The following PAPSS2 variants were observed in gnomAD, a reference collection of about 807,000 sequenced individuals.
PAPSS2 encodes the protein 3'-phosphoadenosine 5'-phosphosulfate synthase 2.
Under a neutral mutation model 66.5 loss-of-function variants are expected in PAPSS2, and 61 were observed. The ratio of observed to expected loss-of-function variants is 0.92; its 90% confidence interval spans 0.75 to 1.14. PAPSS2 has a LOEUF of 1.14. Among genes scored for constraint, PAPSS2 ranks in the 50% most tolerant of loss-of-function variants. PAPSS2 has a pLI of 0.00. For synonymous variants in PAPSS2, 289 were observed against 287.5 expected, an observed-to-expected ratio of 1.01 and a Z score of -0.05; for missense variants, 708 against 789.6, an observed-to-expected ratio of 0.90 and a Z score of 1.24.
intron 1 of PAPSS2, among the ~76,000 whole-genome samples, chr10:87,706,106 A>ATGTGTGTGTGTGTG (rs1223497557): frequency 1.2e-5 from 1 of 85,248 alleles, no homozygotes; most frequent in Non-Finnish European, 2.1e-5. Context: ...ATATATATAT[A>ATGTGTGTGTGTGTG]TATGTGTGTG....
Position 87,714,147 on chromosome 10 carries a change from G to A in PAPSS2, c.485G>A (p.Gly162Asp). ...ATTTGTGAAAGCAGAGACGTAAAAG[G>A]CCTCTATAAAAGGGCCAGAGCTGGG... Reference protein sequence around the residue: ...LNICESRDVKGLYKRARAGEI... With the variant: ...LNICESRDVKDLYKRARAGEI... The change falls in exon 4 of 13, where the codon GGC (glycine) becomes GAC (aspartate). Residue 162 changes from glycine to aspartate, a missense_variant. Gly to Asp is a moderately conservative substitution (Grantham distance 94). Coordinates refer to ENST00000456849, the MANE Select transcript of PAPSS2 (RefSeq NM_001015880.2). 1.2e-6 allele frequency: 2 copies of A among 1,613,866 alleles called. No individual in the cohort carries two copies. Among genetic ancestry groups the A allele is most frequent in the South Asian group, 2.2e-5 (2 of 91,076 alleles).
chr10:87,680,901 G>C (rs1010090368), intron 1 of PAPSS2, among the ~76,000 whole-genome samples: 1 of 152,108 alleles, frequency 6.6e-6, no homozygotes, highest in Admixed American at 6.5e-5. Flanking sequence ...ATGTATTTGT[G>C]AGAGTCATTC....
At position 87,709,352 on chromosome 10, in the gene PAPSS2, G is replaced by A. The variant is rs17173699; in HGVS notation, c.145+39G>A. On this transcript the variant is annotated intron_variant, in intron 2 of 12. Transcript: ENST00000456849. ...ATATATATATATATATATACAAATT[G>A]CAAACTGACATGTGACACAATTTTA... The A allele has an allele frequency of 1.5e-3, 1,817 of 1,208,814 alleles. 20 individuals are homozygous for A. In the African/African-American group the frequency reaches 0.024, roughly 16 times the overall value. The allele number at this position is 1,208,814 out of a possible 1,614,324, so 74.9% of individuals were successfully genotyped here.
chr10:87,734,699 A>G (rs111607644), intron 9 of PAPSS2, among the ~76,000 whole-genome samples: 32 of 131,420 alleles, frequency 2.4e-4, no homozygotes, highest in African/African-American at 8.2e-4. Context: ...ATATATATAT[A>G]TATATATGTA....
chr10:87,712,197 C>T (rs1196583611), intron 2 of PAPSS2, among the ~76,000 whole-genome samples: 1 of 152,106 alleles, frequency 6.6e-6, no homozygotes, highest in African/African-American at 2.4e-5. Flanking sequence ...TACATCTGCT[C>T]CCTAGCTCAG....
At chr10:87,688,262 TTG>T (rs1853113217) in intron 1 of PAPSS2, among the ~76,000 whole-genome samples, 1 of 151,868 alleles carries the variant, frequency 6.6e-6, no homozygotes, top group Non-Finnish European at 1.5e-5. Context: ...ATGGAAATTA[TTG>T]TTAGAGTTTA....
At chr10:87,701,294 T>C (rs1318799525) in intron 1 of PAPSS2, among the ~76,000 whole-genome samples, 1 of 151,040 alleles carries the variant, frequency 6.6e-6, no homozygotes, top group Admixed American at 6.6e-5. Flanking sequence ...CTTTCTTTCT[T>C]TCTTTTTTCC....
At chr10:87,699,290 A>G (rs1311439604) in intron 1 of PAPSS2, among the ~76,000 whole-genome samples, 2 of 152,188 alleles carry the variant, frequency 1.3e-5, no homozygotes, top group Non-Finnish European at 2.9e-5. Flanking sequence ...GTCAAGGTTA[A>G]CATATATATT....
intron 1 of PAPSS2, among the ~76,000 whole-genome samples, chr10:87,665,943 C>A (rs1485814650): frequency 2.0e-5 from 3 of 150,070 alleles, no homozygotes; most frequent in African/African-American, 7.3e-5. Context: ...ATTTTGTCAG[C>A]TATTTGTTGT....
intron 1 of PAPSS2, chr10:87,660,383 C>A: frequency 5.5e-6 from 2 of 362,640 alleles, no homozygotes; most frequent in Non-Finnish European, 5.0e-6. Flanking sequence ...CGGAGCAGAT[C>A]GAGCTGACTC....
At chr10:87,682,265 ACAGAG>A (rs1853030628) in intron 1 of PAPSS2, among the ~76,000 whole-genome samples, 3 of 152,248 alleles carry the variant, frequency 2.0e-5, no homozygotes, top group Non-Finnish European at 4.4e-5. Context: ...GCAAAGGTCT[ACAGAG>A]GAGCAAAGGG....
At chr10:87,734,405 G>A (rs1257390478) in intron 9 of PAPSS2, among the ~76,000 whole-genome samples, 3 of 151,960 alleles carry the variant, frequency 2.0e-5, no homozygotes, top group Non-Finnish European at 4.4e-5. Context: ...ACCTGTGACA[G>A]GTGAAGCTGA....
chr10:87,706,591 T>C (rs1168745474), intron 1 of PAPSS2, among the ~76,000 whole-genome samples: 3 of 118,530 alleles, frequency 2.5e-5, no homozygotes, highest in African/African-American at 3.9e-5. Context: ...ACCCTATCTG[T>C]ACAAAAAAAA....
chr10:87,715,181 A>C, intron 6 of PAPSS2, 83 bp downstream of exon 6: 1 of 782,904 alleles, frequency 1.3e-6, no homozygotes, highest in Non-Finnish European at 2.3e-6. Context: ...ACAATAAGAA[A>C]AGTATAAATA....
chr10:87,724,871 C>T (rs1853640258), intron 8 of PAPSS2, among the ~76,000 whole-genome samples: 1 of 151,206 alleles, frequency 6.6e-6, no homozygotes, highest in South Asian at 2.1e-4. Context: ...CACACACACA[C>T]ATACACACAT....
intron 1 of PAPSS2, among the ~76,000 whole-genome samples, chr10:87,662,141 A>G (rs1852759836): frequency 6.6e-6 from 1 of 152,208 alleles, no homozygotes; most frequent in Non-Finnish European, 1.5e-5. Flanking sequence ...TATAGGAATC[A>G]TCACATTGTT....
At chr10:87,687,930 T>C (rs6586094) in intron 1 of PAPSS2, among the ~76,000 whole-genome samples, 41,712 of 152,092 alleles carry the variant, frequency 0.27, 6,142 homozygotes, top group African/African-American at 0.39. Context: ...TTTAAATGAT[T>C]TGATTTAGAC....
At chr10:87,671,331 T>A (rs1478789823) in intron 1 of PAPSS2, among the ~76,000 whole-genome samples, 2 of 152,208 alleles carry the variant, frequency 1.3e-5, no homozygotes, top group South Asian at 4.1e-4. Flanking sequence ...TTAGGGGCTT[T>A]TTGTAATGTT....
chr10:87,700,903 G>A (rs183646828), intron 1 of PAPSS2, among the ~76,000 whole-genome samples: 1 of 151,786 alleles, frequency 6.6e-6, no homozygotes, highest in African/African-American at 2.4e-5. Context: ...ATCCATGTAA[G>A]CACATAATAA....
Sources: gnomAD v4.1 joint callset for allele counts (sites outside exome capture counted in the v4.1 genomes callset) on GRCh38, gnomAD v4.1.1 for gene constraint, MANE v1.5 for transcripts, NCBI Gene and HGNC (gene_info 2026-07-23, HGNC 2026-07-21) for gene names.